The following PRKG1 variants were observed in gnomAD, a reference collection of about 807,000 sequenced individuals.
The protein encoded by PRKG1 is cGMP-dependent protein kinase 1.
PRKG1 carries 35 observed loss-of-function variants against 88.1 expected under a neutral mutation model. The ratio of observed to expected loss-of-function variants is 0.40; its 90% CI spans 0.30 to 0.53. The LOEUF is 0.53. PRKG1 is among the 20% of genes least tolerant of loss of function. PRKG1 has a pLI of 0.59. For missense variants in PRKG1, 540 were observed against 839.8 expected, an observed-to-expected ratio of 0.64 and a Z score of 4.41; for synonymous variants, 303 against 292.5, an observed-to-expected ratio of 1.04 and a Z score of -0.37.
chr10:52,257,250 T>C (rs1366648123), intron 10 of PRKG1, among the ~76,000 whole-genome samples: 2 of 139,018 alleles, frequency 1.4e-5, no homozygotes, highest in African/African-American at 5.0e-5. Flanking sequence ...ATGACATCCA[T>C]ACCACTCTCA....
chr10:51,146,833 A>G (rs1287108875), intron 1 of PRKG1, among the ~76,000 whole-genome samples: 1 of 152,208 alleles, frequency 6.6e-6, no homozygotes, highest in Non-Finnish European at 1.5e-5. Flanking sequence ...TATCAAAGAG[A>G]TATCTGTACT....
At chr10:51,510,145 A>G (rs1841349963) in intron 3 of PRKG1, among the ~76,000 whole-genome samples, 1 of 152,218 alleles carries the variant, frequency 6.6e-6, no homozygotes, top group Admixed American at 6.6e-5. Context: ...TGTGAGGAAG[A>G]AAAATTGACC....
intron 2 of PRKG1, among the ~76,000 whole-genome samples, chr10:51,272,366 G>A (rs1431242791): frequency 6.6e-6 from 1 of 151,998 alleles, no homozygotes; most frequent in African/African-American, 2.4e-5. Flanking sequence ...TGGGGTGGGG[G>A]GCTAGGGGAG....
At chr10:51,184,477 G>C (rs1837431268) in intron 2 of PRKG1, among the ~76,000 whole-genome samples, 1 of 152,060 alleles carries the variant, frequency 6.6e-6, no homozygotes, top group South Asian at 2.1e-4. Context: ...ACATGCTAAA[G>C]GCTATTTATC....
At chr10:51,432,093 TAGTC>T (rs1336362750) in intron 2 of PRKG1, among the ~76,000 whole-genome samples, 1 of 152,154 alleles carries the variant, frequency 6.6e-6, no homozygotes, top group Non-Finnish European at 1.5e-5. Context: ...TTGAATATGA[TAGTC>T]AGCAATGGAG....
intron 1 of PRKG1, among the ~76,000 whole-genome samples, chr10:50,994,484 C>T (rs1267861085): frequency 7.2e-6 from 1 of 139,642 alleles, no homozygotes; most frequent in Non-Finnish European, 1.5e-5. Context: ...ATCTCCGGCT[C>T]ACTGCAAGCT....
chr10:51,405,700 CTGGTCCTGTGTTT>C (rs1837889139), intron 2 of PRKG1, among the ~76,000 whole-genome samples: 1 of 152,156 alleles, frequency 6.6e-6, no homozygotes, highest in Non-Finnish European at 1.5e-5. Context: ...TCCTGCTTTT[CTGGTCCTGTGTTT>C]TGGCATGAGG....
At position 52,271,388 on chromosome 10, in the gene PRKG1, G is replaced by T; in HGVS notation, c.1212G>T (p.Met404Ile). The T allele has an allele frequency of 6.2e-7, 1 of 1,612,832 alleles. No homozygotes were observed. Among genetic ancestry groups the T allele is most frequent in the East Asian group, 2.2e-5 (1 of 44,794 alleles). ...GTGAAGAATCCAAAACGTTTGCAATGAAGATTCTCAAGAAACGTCACATTG... is the reference window on the plus strand; with the variant it reads ...GTGAAGAATCCAAAACGTTTGCAATTAAGATTCTCAAGAAACGTCACATTG... ...LKSEESKTFA[M>I]KILKKRHIVD... Residue 404 changes from methionine (M) to isoleucine (I), a missense_variant, in exon 11 of 18, where the codon ATG (methionine) becomes ATT (isoleucine). Transcript: ENST00000373980.
chr10:52,069,486 C>T (rs148709004), intron 7 of PRKG1, among the ~76,000 whole-genome samples: 190 of 152,246 alleles, frequency 1.2e-3, no homozygotes, highest in African/African-American at 4.4e-3. Context: ...AATGAGATCA[C>T]ACCACTCTCC....
chr10:51,409,577 C>A (rs1339096169), intron 2 of PRKG1, among the ~76,000 whole-genome samples: 1 of 151,988 alleles, frequency 6.6e-6, no homozygotes, highest in Non-Finnish European at 1.5e-5. Flanking sequence ...AAAGTAGTGG[C>A]CGGGCACGGT....
rs1191302682 is a variant in PRKG1 at position 51,342,492 on chromosome 10, G to A, written c.479-125231G>A. 1.3e-5 allele frequency among the ~76,000 whole-genome samples: 2 copies of A among 152,060 alleles called. 1 individual carries two copies. Among genetic ancestry groups the A allele is most frequent in the South Asian group, 4.1e-4 (2 of 4,820 alleles). On this transcript the variant is annotated intron_variant, in intron 2 of 17. Transcript: ENST00000373980. Reference sequence around the variant, plus strand: ...TATTTTTAAGTGAAATAAAACATCAGAGTCAAGATCAGGAACTTGTTTGTT... The same window carrying A: ...TATTTTTAAGTGAAATAAAACATCAAAGTCAAGATCAGGAACTTGTTTGTT...
intron 2 of PRKG1, among the ~76,000 whole-genome samples, chr10:51,387,309 T>C (rs559430137): frequency 6.7e-6 from 1 of 149,146 alleles, no homozygotes; most frequent in Non-Finnish European, 1.5e-5. Flanking sequence ...ATTTTATATA[T>C]ATACATATAA....
chr10:51,182,078 T>C (rs1398097547), intron 2 of PRKG1, among the ~76,000 whole-genome samples: 1 of 152,176 alleles, frequency 6.6e-6, no homozygotes, highest in African/African-American at 2.4e-5. Context: ...TTTTCCAAAA[T>C]AACTTTTTAA....
chr10:51,566,966 G>A (rs1414779324), intron 3 of PRKG1, among the ~76,000 whole-genome samples: 1 of 151,814 alleles, frequency 6.6e-6, no homozygotes, highest in Admixed American at 6.6e-5. Flanking sequence ...AAACAAGGTA[G>A]TGGTAACTAT....
intron 5 of PRKG1, among the ~76,000 whole-genome samples, chr10:51,946,533 T>G (rs1043647277): frequency 1.3e-5 from 2 of 152,080 alleles, no homozygotes; most frequent in Admixed American, 6.5e-5. Flanking sequence ...GAGGAGAGGC[T>G]CTCTGCTTTT....
chr10:51,138,433 ACTATTGC>A, intron 1 of PRKG1, among the ~76,000 whole-genome samples: 1 of 152,278 alleles, frequency 6.6e-6, no homozygotes, highest in South Asian at 2.1e-4. Flanking sequence ...TTTCACGTTC[ACTATTGC>A]CTGCCTTTCT....
intron 7 of PRKG1, among the ~76,000 whole-genome samples, chr10:52,093,723 A>G (rs916704691): frequency 6.6e-6 from 1 of 152,174 alleles, no homozygotes; most frequent in Non-Finnish European, 1.5e-5. Context: ...TTGTTAGTGT[A>G]GGTGTTGCCT....
intron 5 of PRKG1, among the ~76,000 whole-genome samples, chr10:52,028,149 A>G (rs1430633670): frequency 6.8e-6 from 1 of 147,106 alleles, no homozygotes; most frequent in African/African-American, 2.4e-5. Context: ...TTCAAGGGTT[A>G]CTATTCCTGC....
chr10:52,040,178 C>A (rs1367718427), intron 5 of PRKG1, among the ~76,000 whole-genome samples: 1 of 152,140 alleles, frequency 6.6e-6, no homozygotes, highest in East Asian at 1.9e-4. Context: ...TGAGTAAATT[C>A]TACATACATT....
Sources: allele counts gnomAD v4.1 joint callset (sites outside exome capture counted in the v4.1 genomes callset), GRCh38; gene constraint gnomAD v4.1.1; transcripts MANE v1.5; gene names NCBI Gene and HGNC (gene_info 2026-07-23, HGNC 2026-07-21).